The following SREK1IP1 variants were observed in gnomAD, a reference collection of about 807,000 sequenced individuals.
SREK1IP1 encodes protein SREK1IP1.
A neutral mutation model predicts 22.8 loss-of-function variants in SREK1IP1; 12 were observed. The ratio of observed to expected loss-of-function variants is 0.53; its 90% CI spans 0.34 to 0.85. The LOEUF (loss-of-function observed/expected upper bound fraction) is 0.85, where lower values mean the gene tolerates loss of function less well. SREK1IP1 is among the 40% of genes least tolerant of loss of function. The pLI is 0.02. For synonymous variants in SREK1IP1, 53 were observed against 52.7 expected (o/e 1.01, Z -0.02); for missense variants, 147 against 171.8 (o/e 0.86, Z 0.81).
intron 2 of SREK1IP1, among the ~76,000 whole-genome samples, chr5:64,745,987 T>C (rs1742628096): frequency 6.6e-6 from 1 of 152,136 alleles, no homozygotes; most frequent in Non-Finnish European, 1.5e-5. Flanking sequence ...TATAAATCTA[T>C]AGCAATCAAA....
intron 3 of SREK1IP1, among the ~76,000 whole-genome samples, chr5:64,730,803 C>T (rs1166603245): frequency 6.6e-6 from 1 of 152,162 alleles, no homozygotes; most frequent in Non-Finnish European, 1.5e-5. Flanking sequence ...ACCAGTCTGC[C>T]TCTTCACCTT....
At chr5:64,738,365 T>C (rs1265209674) in intron 3 of SREK1IP1, among the ~76,000 whole-genome samples, 2 of 152,180 alleles carry the variant, frequency 1.3e-5, no homozygotes, top group Non-Finnish European at 2.9e-5. Context: ...TTTGACAATA[T>C]ATGTGCTCAT....
At chr5:64,753,889 T>A (rs1227783678) in intron 2 of SREK1IP1, among the ~76,000 whole-genome samples, 1 of 152,202 alleles carries the variant, frequency 6.6e-6, no homozygotes, top group Non-Finnish European at 1.5e-5. Context: ...TTTTCGCCCA[T>A]GAGCAGAAAT....
chr5:64,725,289 A>G (rs1350375924), intron 4 of SREK1IP1, among the ~76,000 whole-genome samples: 1 of 152,178 alleles, frequency 6.6e-6, no homozygotes, highest in East Asian at 1.9e-4. Context: ...AAGGAAAAGA[A>G]AAAGAAAAAA....
At chr5:64,758,796 AC>A (rs1478092179) in intron 1 of SREK1IP1, among the ~76,000 whole-genome samples, 3 of 152,172 alleles carry the variant, frequency 2.0e-5, no homozygotes, top group African/African-American at 7.2e-5. Flanking sequence ...AAACTATGAA[AC>A]TTTTTCTTGG....
chr5:64,742,956 T>C (rs1200627707), intron 2 of SREK1IP1, among the ~76,000 whole-genome samples: 2 of 152,224 alleles, frequency 1.3e-5, no homozygotes, highest in African/African-American at 4.8e-5. Flanking sequence ...GCACTCTTTT[T>C]AGCTTCCAAA....
In SREK1IP1 at chr5:64,741,105, C is replaced by T. The variant is rs746079439; in HGVS notation, c.157G>A (p.Asp53Asn). 2.5e-6 allele frequency: 4 copies of T among 1,612,916 alleles called. No individual in the cohort carries two copies. Among genetic ancestry groups the T allele is most frequent in the East Asian group, 2.2e-5 (1 of 44,806 alleles). Residue 53 changes from aspartate (D) to asparagine (N), a missense_variant, in exon 3 of 5, where the codon GAT becomes AAT. This residue lies in a region of SREK1IP1 where 62 missense variants were observed against 73.3 expected (regional missense o/e 0.85). Transcript: ENST00000513458. ...TTATTCAGTTCTTCATTCTCTTCAT[C>T]GCTATCTTCACTACTTGTACTGCTG... is the stretch of plus-strand genomic sequence containing the variant. Reference protein sequence around the residue: ...DVSSTSSEDSDEENEELNKLQ... With the variant: ...DVSSTSSEDSNEENEELNKLQ...
intron 2 of SREK1IP1, among the ~76,000 whole-genome samples, chr5:64,745,820 A>ATT (rs147793574): frequency 1.1e-4 from 17 of 151,514 alleles, no homozygotes; most frequent in Admixed American, 3.3e-4. Flanking sequence ...TTTCTTACTG[A>ATT]TTTTTTTTTC....
At chr5:64,757,063 T>C (rs549246776) in intron 1 of SREK1IP1, among the ~76,000 whole-genome samples, 8 of 152,370 alleles carry the variant, frequency 5.3e-5, no homozygotes, top group Middle Eastern at 3.4e-3. Context: ...TTTGGTGTTA[T>C]GAAGTTAAAA....
rs575534991 is a variant in SREK1IP1, at chr5:64,741,280, G to A, written c.62-80C>T. ...ATTTTTGTATGTTTTGCTGCCTCAC[G>A]GTAACCAGTAAGTTACAATTTCAAT... On this transcript the variant is annotated intron_variant, in intron 2 of 4. Transcript: ENST00000513458. 1.1e-4 allele frequency: 137 copies of A among 1,286,476 alleles called. No individual in the cohort carries two copies. The African/African-American group carries it at 1.5e-3, about 14-fold the overall frequency. 79.7% of individuals were successfully genotyped at this position (1,286,476 alleles called of 1,614,324 possible).
intron 3 of SREK1IP1, among the ~76,000 whole-genome samples, chr5:64,729,312 C>T (rs1020354353): frequency 6.6e-6 from 1 of 152,140 alleles, no homozygotes; most frequent in African/African-American, 2.4e-5. Flanking sequence ...GCAAAGATAG[C>T]ATTCTAAGTG....
rs1050232369 is a variant in SREK1IP1, at chr5:64,753,182, C to A, written c.61+1133G>T. Among the ~76,000 whole-genome samples the A allele has an allele frequency of 6.6e-5, 10 of 152,150 alleles. No individual in the cohort carries two copies. The East Asian group carries it at 1.5e-3, about 23-fold the overall frequency. On this transcript the variant is annotated intron_variant, in intron 2 of 4. Coordinates refer to ENST00000513458, the MANE Select transcript of SREK1IP1 (RefSeq NM_173829.4). The stretch of plus-strand genomic sequence containing the variant: ...GTTAAAAGAAGTCCAAGTATAGAGA[C>A]TGATATTAGTAGACAGACTGGGAAA...
intron 3 of SREK1IP1, among the ~76,000 whole-genome samples, chr5:64,736,543 C>T (rs1254570199): frequency 1.3e-5 from 2 of 151,430 alleles, no homozygotes; most frequent in East Asian, 3.9e-4. Context: ...CTCACTGCAA[C>T]CTCTGCCTCC....
intron 3 of SREK1IP1, among the ~76,000 whole-genome samples, chr5:64,740,646 G>C (rs1372459032): frequency 6.6e-6 from 1 of 152,102 alleles, no homozygotes; most frequent in African/African-American, 2.4e-5. Flanking sequence ...TGATCTGCAT[G>C]AGCATCATTT....
Position 64,724,417 on chromosome 5 carries a change from AG to A in SREK1IP1, c.434del (p.Ser145LeufsTer13). The A allele has an allele frequency of 6.3e-7, 1 of 1,580,850 alleles. No homozygotes were observed. Among genetic ancestry groups the A allele is most frequent in the Non-Finnish European group, 8.5e-7 (1 of 1,171,058 alleles). ...KKKRKKEKHS[S>X]TPNSSEFSRK is the part of the protein sequence containing the mutation. ...TGGAGAATTCAGAACTATTAGGTGT[AG>A]AAGAATGCTTTTCCTTTTTTCTCTT... On this transcript the variant is annotated frameshift_variant, in exon 5 of 5. Coordinates refer to ENST00000513458, the MANE Select transcript of SREK1IP1 (RefSeq NM_173829.4). LOFTEE classifies it high-confidence loss of function.
At chr5:64,728,269 T>C (rs2112086985) in intron 3 of SREK1IP1, 90 bp from the exon 4 acceptor site, 1 of 1,130,076 alleles carries the variant, frequency 8.8e-7, no homozygotes, top group Non-Finnish European at 1.1e-6. Flanking sequence ...ATTTTAGCTG[T>C]TGGTGAATTT....
Position 64,718,895 on chromosome 5 carries a change from A to C in SREK1IP1, c.*5489T>G, listed in dbSNP as rs1178030422. On this transcript the variant is annotated 3_prime_UTR_variant, in exon 5 of 5. Transcript: ENST00000513458. ...ACTAGCATTTCAGACAAGATCTGGCACATTTAGGGTGGTATGGCCATAGCC... is the reference window on the plus strand; with the variant it reads ...ACTAGCATTTCAGACAAGATCTGGCCCATTTAGGGTGGTATGGCCATAGCC... 1 of 152,222 alleles carries C rather than the reference A, an allele frequency of 6.6e-6. No homozygotes were observed. The allele number at this position is 152,222 out of a possible 1,614,324, so 9.4% of individuals were successfully genotyped here.
intron 1 of SREK1IP1, among the ~76,000 whole-genome samples, chr5:64,756,753 A>T (rs1580556625): frequency 6.6e-6 from 1 of 151,866 alleles, no homozygotes; most frequent in South Asian, 2.1e-4. Flanking sequence ...CAGCCTCCTG[A>T]GTAGCTGGGA....
At position 64,757,805 on chromosome 5, in the gene SREK1IP1, A is replaced by AT. The variant is rs551406593; in HGVS notation, c.14-3444dup. Among the ~76,000 whole-genome samples the AT allele has an allele frequency of 4.1e-4, 58 of 141,242 alleles. No homozygotes were observed. In the East Asian group the frequency reaches 9.0e-3, roughly 22 times the overall value. The allele number at this position is 141,242 out of a possible 152,430, so 92.7% of individuals were successfully genotyped here. ...GTCATACTTATTGTAGTATTTATGC[A>AT]TTTTTTTAACCAATTAACGTGTAAA... On this transcript the variant is annotated intron_variant, in intron 1 of 4. Transcript: ENST00000513458.
Sources: gnomAD v4.1 joint callset for allele counts (sites outside exome capture counted in the v4.1 genomes callset) on GRCh38, gnomAD v4.1.1 for gene constraint, gnomAD v4.1.1 regional missense constraint, MANE v1.5 for transcripts, NCBI Gene and HGNC (gene_info 2026-07-23, HGNC 2026-07-21) for gene names.